TARBP1: variants seen among roughly 807,000 people sequenced by gnomAD.
The protein encoded by TARBP1 is tRNA guanosine 2 -O-methyltransferase TARBP1, also known as tRNA (guanosine(18)-2'-O)-methyltransferase TARBP1.
A neutral mutation model predicts 178.6 loss-of-function variants in TARBP1; 144 were observed. The observed-to-expected ratio is 0.81, with a 90% CI of 0.70 to 0.93. TARBP1 has a LOEUF of 0.93. Among genes scored for constraint, TARBP1 ranks in the 40% least tolerant of loss-of-function variants. The pLI, the probability that TARBP1 is intolerant of heterozygous loss-of-function variation, is 0.00. For synonymous variants in TARBP1, 787 were observed against 781.0 expected (o/e 1.01, Z -0.13); for missense variants, 2,067 against 2,011.7 (o/e 1.03, Z -0.53).
intron 6 of TARBP1, among the ~76,000 whole-genome samples, chr1:234,462,799 A>G (rs1191037023): frequency 6.6e-6 from 1 of 152,186 alleles, no homozygotes; most frequent in Non-Finnish European, 1.5e-5. Flanking sequence ...TATAAATTTA[A>G]AGTCATGATA....
intron 6 of TARBP1, among the ~76,000 whole-genome samples, chr1:234,463,277 T>C (rs1369129540): frequency 6.6e-6 from 1 of 152,008 alleles, no homozygotes; most frequent in African/African-American, 2.4e-5. Context: ...GTACACACCA[T>C]CATGCCCGGA....
chr1:234,439,576 A>C (rs182026998), intron 12 of TARBP1, among the ~76,000 whole-genome samples: 201 of 152,376 alleles, frequency 1.3e-3, no homozygotes, highest in African/African-American at 4.3e-3. Flanking sequence ...CTGTAATCTT[A>C]GCACTTTGGG....
At chr1:234,433,731 C>T (rs1664715592) in intron 13 of TARBP1, among the ~76,000 whole-genome samples, 160 bp from the exon 14 acceptor site, 1 of 152,214 alleles carries the variant, frequency 6.6e-6, no homozygotes, top group Admixed American at 6.5e-5. Context: ...ACCTCCCACG[C>T]AGAGCTAAGG....
intron 24 of TARBP1, among the ~76,000 whole-genome samples, chr1:234,402,865 C>T (rs1430615213): frequency 6.6e-6 from 1 of 152,024 alleles, no homozygotes; most frequent in African/African-American, 2.4e-5. Context: ...GGATTACAGG[C>T]GAGAGCCACT....
chr1:234,426,246 T>C (rs1340577794), intron 19 of TARBP1, among the ~76,000 whole-genome samples: 1 of 152,236 alleles, frequency 6.6e-6, no homozygotes. Context: ...CAGGAAGCAC[T>C]GTGTGCTCTC....
rs1157995608 is a variant in TARBP1, at chr1:234,392,426, G to A, written c.4687C>T (p.Leu1563Phe). The A allele has an allele frequency of 2.5e-6, 4 of 1,614,032 alleles. No homozygotes were observed. The highest frequency in any genetic ancestry group is 3.4e-6 in the Non-Finnish European group (4 of 1,179,968). ...CAAGAAGCTTCTTACCCCAACAAGA[G>A]CAGAGATTTCTCAGGAAAGCAATAT... ...TQYCFPEKSL[L>F]LLGNEREGIP... is the part of the protein sequence containing the mutation. The change falls in exon 29 of 30, where the codon CTC (leucine) becomes TTC (phenylalanine). Residue 1563 changes from leucine (L) to phenylalanine (F), a missense_variant. Transcript: ENST00000040877.
chr1:234,454,541 G>A (rs897955560), intron 9 of TARBP1, among the ~76,000 whole-genome samples: 1 of 152,132 alleles, frequency 6.6e-6, no homozygotes, highest in African/African-American at 2.4e-5. Context: ...ATGGGTACAT[G>A]AGAGTTCATT....
chr1:234,412,672 C>CATGAACT (rs1464743985), intron 22 of TARBP1, among the ~76,000 whole-genome samples: 7 of 151,996 alleles, frequency 4.6e-5, no homozygotes, highest in Admixed American at 4.6e-4. Context: ...AAAGAAGACA[C>CATGAACT]ATGAACTGAG....
At chr1:234,415,950 CA>C in intron 22 of TARBP1, among the ~76,000 whole-genome samples, 1 of 152,222 alleles carries the variant, frequency 6.6e-6, no homozygotes, top group Non-Finnish European at 1.5e-5. Context: ...ATTCCATCAG[CA>C]AAAGCTTCCT....
intron 13 of TARBP1, among the ~76,000 whole-genome samples, chr1:234,436,111 A>G (rs1665004753): frequency 6.6e-6 from 1 of 151,802 alleles, no homozygotes; most frequent in Non-Finnish European, 1.5e-5. Context: ...CTTTGCATCT[A>G]AAAGATAAAG....
chr1:234,461,555 C>T (rs779994163), intron 6 of TARBP1, among the ~76,000 whole-genome samples: 3 of 152,190 alleles, frequency 2.0e-5, no homozygotes, highest in Admixed American at 6.5e-5. Context: ...GATCTGCCCA[C>T]CTCAGCCTCC....
chr1:234,422,127 C>A (rs554199763), intron 20 of TARBP1, among the ~76,000 whole-genome samples: 1 of 152,294 alleles, frequency 6.6e-6, no homozygotes, highest in Admixed American at 6.5e-5. Flanking sequence ...TTCACGCATT[C>A]AGAAGAAGCA....
intron 24 of TARBP1, among the ~76,000 whole-genome samples, chr1:234,402,884 C>G (rs1035340130): frequency 3.9e-5 from 6 of 152,064 alleles, no homozygotes; most frequent in African/African-American, 1.5e-4. Context: ...CTGCAGCTGG[C>G]CCCCTCTTGT....
rs1669864753 is a variant in TARBP1 at position 234,478,944 on chromosome 1, CG to C, written c.159del (p.Ala54GlnfsTer44). On this transcript the variant is annotated frameshift_variant, in exon 1 of 30. Transcript: ENST00000040877. LOFTEE classifies it high-confidence loss of function. ...CGCGCCGCCTCCGGGAGCGCGCCTG[CG>C]CCCCCGCTGCCGCGCGCCTCCTCGT... ...LEDEEARGSG[G>X]AGALPEAARE... The C allele has an allele frequency of 1.4e-6, 2 of 1,450,406 alleles. No homozygotes were observed. Among genetic ancestry groups the C allele is most frequent in the Non-Finnish European group, 1.8e-6 (2 of 1,110,222 alleles). 89.8% of individuals were successfully genotyped at this position (1,450,406 alleles called of 1,614,324 possible). A position where few individuals can be genotyped will look rare whatever the true frequency, so the allele number is the denominator to read the frequency against.
At chr1:234,415,704 G>C (rs1224836417) in intron 22 of TARBP1, among the ~76,000 whole-genome samples, 1 of 152,198 alleles carries the variant, frequency 6.6e-6, no homozygotes, top group Non-Finnish European at 1.5e-5. Flanking sequence ...AGGCAGCAGA[G>C]ACAGTAGGTA....
intron 25 of TARBP1, among the ~76,000 whole-genome samples, chr1:234,399,302 T>C (rs1284613807): frequency 6.6e-6 from 1 of 152,210 alleles, no homozygotes. Context: ...CATGTCTTCA[T>C]GAAAGGTTTT....
Position 234,478,412 on chromosome 1 carries a change from A to C in TARBP1, c.692T>G (p.Leu231Arg). 7.3e-7 allele frequency: 1 copy of C among 1,378,912 alleles called. No individual in the cohort carries two copies. Among genetic ancestry groups the C allele is most frequent in the Non-Finnish European group, 9.4e-7 (1 of 1,061,714 alleles). The allele number at this position is 1,378,912 out of a possible 1,614,324, so 85.4% of individuals were successfully genotyped here. A position where few individuals can be genotyped will look rare whatever the true frequency, so the allele number is the denominator to read the frequency against. Reference sequence around the variant, plus strand: ...CTTCTCGGCCAGGGCGCTCAGGACCAGCAGCTTCTCCTCTACGCGGCCGGA... The same window carrying C: ...CTTCTCGGCCAGGGCGCTCAGGACCCGCAGCTTCTCCTCTACGCGGCCGGA... ...LGSGRVEEKL[L>R]VLSALAEKLL... The change falls in exon 1 of 30, where the codon CTG becomes CGG. Residue 231 changes from leucine (L) to arginine (R), a missense_variant. Transcript: ENST00000040877.
chr1:234,457,479 CA>C (rs1322954208), intron 9 of TARBP1, among the ~76,000 whole-genome samples, 187 bp downstream of exon 9: 1 of 152,152 alleles, frequency 6.6e-6, no homozygotes, highest in African/African-American at 2.4e-5. Context: ...TCCTCTCTCC[CA>C]CCTCTCCATA....
rs1264908484 is a variant in TARBP1 at position 234,429,303 on chromosome 1, G to T, written c.2893C>A (p.Leu965Ile). 1 of 1,580,572 alleles carries T rather than the reference G, an allele frequency of 6.3e-7. No homozygotes were observed. Among genetic ancestry groups the T allele is most frequent in the Non-Finnish European group, 8.5e-7 (1 of 1,171,184 alleles). Residue 965 changes from leucine (L) to isoleucine (I), a missense_variant, in exon 17 of 30, where the codon CTC becomes ATC. Leu to Ile is a conservative substitution (Grantham distance 5). Transcript: ENST00000040877. ...VPKLLTSSES[L>I]CIESFDMAWK... ...GCCATGTCAAAAGACTCTATGCAGAGTGATTCAGAGGAAGTCAGAAGCTGG... is the reference window on the plus strand; with the variant it reads ...GCCATGTCAAAAGACTCTATGCAGATTGATTCAGAGGAAGTCAGAAGCTGG...
Sources: gnomAD v4.1 joint callset for allele counts (sites outside exome capture counted in the v4.1 genomes callset) on GRCh38, gnomAD v4.1.1 for gene constraint, MANE v1.5 for transcripts, NCBI Gene and HGNC (gene_info 2026-07-23, HGNC 2026-07-21) for gene names.